Variants in CFAP44 observed in about 807,000 individuals in gnomAD.
CFAP44 encodes cilia- and flagella-associated protein 44.
CFAP44 carries 134 observed loss-of-function variants against 216.2 expected under a neutral mutation model. That is an observed-to-expected ratio of 0.62 (90% CI 0.54 to 0.72). The LOEUF (loss-of-function observed/expected upper bound fraction) is 0.72, where lower values mean the gene tolerates loss of function less well. Ranked by LOEUF, CFAP44 falls within the 30% of genes least tolerant of loss-of-function variation. The pLI, the probability that CFAP44 is intolerant of heterozygous loss-of-function variation, is 0.00. For missense variants in CFAP44, 2,035 were observed against 2,182.1 expected (o/e 0.93, Z 1.34); for synonymous variants, 700 against 727.6 (o/e 0.96, Z 0.61).
intron 28 of CFAP44, among the ~76,000 whole-genome samples, chr3:113,320,463 T>TG (rs1576546347): frequency 1.2e-5 from 1 of 86,072 alleles, no homozygotes; most frequent in East Asian, 3.2e-4. Context: ...TACATCTATA[T>TG]ATCATATATG....
At chr3:113,430,231 G>A (rs1935068231) in intron 2 of CFAP44, among the ~76,000 whole-genome samples, 1 of 151,606 alleles carries the variant, frequency 6.6e-6, no homozygotes, top group Non-Finnish European at 1.5e-5. Context: ...TAATGCATGG[G>A]TCAAAGGGAA....
chr3:113,399,938 C>T lies in CFAP44; in HGVS notation c.1537G>A (p.Gly513Arg). Residue 513 changes from glycine (G) to arginine (R), a missense_variant, in exon 13 of 35, where the codon GGA becomes AGA. Around this residue, in one of 3 missense-constraint regions of CFAP44, gnomAD observed 1,883 missense variants for 2,023.7 expected, o/e 0.93. Coordinates refer to ENST00000393845, the MANE Select transcript of CFAP44 (RefSeq NM_001164496.2). ...TPLAQMKFKQGGTALVWVPRM... is the reference protein window; with the variant it reads ...TPLAQMKFKQRGTALVWVPRM... ...GGTACCCAAACAAGGGCAGTACCTC[C>T]TTGTTTGAATTTCATCTGGGCCAAA... 6.2e-7 allele frequency: 1 copy of T among 1,602,850 alleles called. No homozygotes were observed. Among genetic ancestry groups the T allele is most frequent in the Non-Finnish European group, 8.5e-7 (1 of 1,175,436 alleles).
intron 22 of CFAP44, among the ~76,000 whole-genome samples, chr3:113,353,007 A>G (rs1355638311): frequency 2.0e-5 from 3 of 152,188 alleles, no homozygotes; most frequent in Non-Finnish European, 2.9e-5. Flanking sequence ...TCAGGGACGG[A>G]AAGCAGGAGT....
chr3:113,364,281 T>C (rs1337057946), intron 19 of CFAP44, among the ~76,000 whole-genome samples: 1 of 152,182 alleles, frequency 6.6e-6, no homozygotes, highest in Non-Finnish European at 1.5e-5. Context: ...CTAAACTTTA[T>C]TCCCTATTCT....
chr3:113,425,920 A>T, intron 4 of CFAP44: 1 of 543,452 alleles, frequency 1.8e-6, no homozygotes, highest in Non-Finnish European at 3.1e-6. Flanking sequence ...GGTCTCTGTC[A>T]CAACTACTTA....
At chr3:113,322,341 A>C (rs746460918) in intron 28 of CFAP44, among the ~76,000 whole-genome samples, 2 of 152,192 alleles carry the variant, frequency 1.3e-5, no homozygotes, top group Non-Finnish European at 2.9e-5. Context: ...AATGGAAGAA[A>C]ATATTCACAA....
intron 30 of CFAP44, 71 bp downstream of exon 30, chr3:113,306,130 A>G (rs1426923235): frequency 6.8e-7 from 1 of 1,462,810 alleles, no homozygotes; most frequent in Non-Finnish European, 9.0e-7. Context: ...CATTGCTATA[A>G]AAAGGCAATA....
At chr3:113,440,017 T>C (rs1298459133) in intron 1 of CFAP44, among the ~76,000 whole-genome samples, 1 of 152,152 alleles carries the variant, frequency 6.6e-6, no homozygotes. Flanking sequence ...CATATTATCG[T>C]ACAATTCTCA....
chr3:113,381,066 A>G lies in CFAP44; in HGVS notation c.1891-6T>C. On this transcript the variant is annotated splice_polypyrimidine_tract_variant and splice_region_variant and intron_variant, in intron 15 of 34. Coordinates refer to ENST00000393845, the MANE Select transcript of CFAP44 (RefSeq NM_001164496.2). ...ATTAGTAAAGTACTTTCAGGCTAAA[A>G]AAGAAAAATTGAACATATTTACATT... The G allele has an allele frequency of 6.5e-7, 1 of 1,545,918 alleles. No individual in the cohort carries two copies. Among genetic ancestry groups the G allele is most frequent in the Non-Finnish European group, 8.7e-7 (1 of 1,152,498 alleles).
intron 24 of CFAP44, among the ~76,000 whole-genome samples, chr3:113,338,719 C>G (rs534567312): frequency 2.6e-5 from 4 of 152,280 alleles, no homozygotes; most frequent in African/African-American, 9.6e-5. Context: ...CAAGATTTCT[C>G]TTCATTTGCT....
Position 113,433,428 on chromosome 3 carries a change from T to G in CFAP44, c.100+137A>C, listed in dbSNP as rs1030419458. The G allele has an allele frequency of 1.2e-5, 3 of 254,158 alleles. No individual in the cohort carries two copies. In the African/African-American group the frequency reaches 2.4e-4, roughly 20 times the overall value. 15.7% of individuals were successfully genotyped at this position (254,158 alleles called of 1,614,324 possible). ...TGGGCAACAAGAGCAAAACTCCATCTCAAAAAAAAAAAAAAAAAAAAAAAA... is the reference window on the plus strand; with the variant it reads ...TGGGCAACAAGAGCAAAACTCCATCGCAAAAAAAAAAAAAAAAAAAAAAAA... On this transcript the variant is annotated intron_variant, in intron 2 of 34. Coordinates refer to ENST00000393845, the MANE Select transcript of CFAP44 (RefSeq NM_001164496.2).
At chr3:113,369,827 A>G (rs1175665751) in intron 18 of CFAP44, among the ~76,000 whole-genome samples, 3 of 152,160 alleles carry the variant, frequency 2.0e-5, no homozygotes, top group Non-Finnish European at 4.4e-5. Context: ...TGATAGAGAG[A>G]GCACTGGCAA....
Position 113,330,609 on chromosome 3 carries a change from C to G in CFAP44, c.3675G>C (p.Val1225=). ...KCILSLRDLK[V]AVVEEIQCLV... is the part of the protein sequence containing the mutation. ...GGCACTGTATTTCCTCAACAACAGCCACTTTAAGGTCTCTAAGAGAGAGAA... is the reference window on the plus strand; with the variant it reads ...GGCACTGTATTTCCTCAACAACAGCGACTTTAAGGTCTCTAAGAGAGAGAA... Residue 1225 remains valine (V), a synonymous_variant, in exon 26 of 35, where the codon GTG becomes GTC. Coordinates refer to ENST00000393845, the MANE Select transcript of CFAP44 (RefSeq NM_001164496.2). 1.3e-6 allele frequency: 2 copies of G among 1,537,232 alleles called. No individual in the cohort carries two copies. The highest frequency in any genetic ancestry group is 4.9e-5 in the East Asian group (2 of 40,918).
At chr3:113,346,864 GT>G (rs555594557) in intron 22 of CFAP44, among the ~76,000 whole-genome samples, 61 of 152,180 alleles carry the variant, frequency 4.0e-4, no homozygotes, top group Non-Finnish European at 7.2e-4. Context: ...TGGAAGCTTT[GT>G]TTTTTTGCTC....
intron 24 of CFAP44, among the ~76,000 whole-genome samples, chr3:113,339,097 C>T (rs980522650): frequency 1.3e-5 from 2 of 152,192 alleles, no homozygotes; most frequent in South Asian, 4.1e-4. Flanking sequence ...TCTGTCCTCA[C>T]ATCCACAGAA....
Position 113,401,651 on chromosome 3 carries a change from T to G in CFAP44, c.1259A>C (p.Asp420Ala), listed in dbSNP as rs771808564. ...EIEPINELQV[D>A]KNVNLFSMIK... Reference sequence around the variant, plus strand: ...CATAGAGAAGAGATTCACATTCTTGTCTACTTGAAGTTCATTAATAGGCTC... The same window carrying G: ...CATAGAGAAGAGATTCACATTCTTGGCTACTTGAAGTTCATTAATAGGCTC... Residue 420 changes from aspartate to alanine, a missense_variant, in exon 10 of 35, where the codon GAC becomes GCC. Around this residue, in one of 3 missense-constraint regions of CFAP44, gnomAD observed 1,883 missense variants for 2,023.7 expected, o/e 0.93. Coordinates refer to ENST00000393845, the MANE Select transcript of CFAP44 (RefSeq NM_001164496.2). 19 of 1,613,510 alleles carry G rather than the reference T, an allele frequency of 1.2e-5. No homozygotes were observed. Among genetic ancestry groups the G allele is most frequent in the Non-Finnish European group, 1.5e-5 (18 of 1,179,754 alleles).
intron 13 of CFAP44, among the ~76,000 whole-genome samples, chr3:113,399,447 C>T (rs1037510506): frequency 6.6e-6 from 1 of 151,696 alleles, no homozygotes; most frequent in African/African-American, 2.4e-5. Context: ...ATGTACTTAA[C>T]TTACTTATTT....
At chr3:113,363,857 A>T (rs972831236) in intron 19 of CFAP44, among the ~76,000 whole-genome samples, 6 of 152,196 alleles carry the variant, frequency 3.9e-5, no homozygotes, top group Non-Finnish European at 8.8e-5. Flanking sequence ...CAGAATTCAC[A>T]AAAGTCTAGA....
rs78651317 is a variant in CFAP44, at chr3:113,297,309, T to C, written c.5078-424A>G. Among the ~76,000 whole-genome samples, 11 of 152,248 alleles carry C rather than the reference T, an allele frequency of 7.2e-5. No individual in the cohort carries two copies. In the East Asian group the frequency reaches 1.9e-3, roughly 27 times the overall value. ...CTTTGGGAATTCAGGAGGCCCTGCA[T>C]GGTCAGCCTGCCTACCCTGCTTTCT... On this transcript the variant is annotated intron_variant, in intron 32 of 34. Transcript: ENST00000393845.
Sources: allele counts gnomAD v4.1 joint callset (sites outside exome capture counted in the v4.1 genomes callset), GRCh38; gene constraint gnomAD v4.1.1; regional missense constraint gnomAD v4.1.1; transcripts MANE v1.5; gene names NCBI Gene and HGNC (gene_info 2026-07-23, HGNC 2026-07-21).